Variants in CSGALNACT2 observed in about 807,000 individuals in gnomAD.
CSGALNACT2 encodes beta 4 GalNAcT-2.
A neutral mutation model predicts 55.3 loss-of-function variants in CSGALNACT2; 35 were observed. The ratio of observed to expected loss-of-function variants is 0.63; its 90% CI spans 0.48 to 0.84. The LOEUF (loss-of-function observed/expected upper bound fraction) is 0.84. Among genes scored for constraint, CSGALNACT2 ranks in the 40% least tolerant of loss-of-function variants. The pLI, the probability that CSGALNACT2 is intolerant of heterozygous loss-of-function variation, is 0.00. For missense variants in CSGALNACT2, 544 were observed against 657.5 expected (o/e 0.83, Z 1.89); for synonymous variants, 196 against 224.9 (o/e 0.87, Z 1.15).
intron 7 of CSGALNACT2, among the ~76,000 whole-genome samples, chr10:43,182,265 ACTT>A (rs1839603563): frequency 6.6e-6 from 1 of 151,964 alleles, no homozygotes; most frequent in Non-Finnish European, 1.5e-5. Context: ...ACACTTGACA[ACTT>A]CTTCCTCAAG....
At chr10:43,163,259 C>A in intron 4 of CSGALNACT2, 1 of 965,346 alleles carries the variant, frequency 1.0e-6, no homozygotes, top group Non-Finnish European at 1.2e-6. Flanking sequence ...ATTCATTCAG[C>A]AAATATTTAT....
chr10:43,173,934 A>G (rs1588912087), intron 6 of CSGALNACT2, among the ~76,000 whole-genome samples: 1 of 152,310 alleles, frequency 6.6e-6, no homozygotes, highest in East Asian at 1.9e-4. Flanking sequence ...TGGAGGTTGC[A>G]GTGAGCCAAG....
chr10:43,152,283 A>G (rs894841809), intron 1 of CSGALNACT2, among the ~76,000 whole-genome samples: 10 of 152,208 alleles, frequency 6.6e-5, no homozygotes, highest in African/African-American at 2.2e-4. Flanking sequence ...AATGTTTTCT[A>G]TAATATTCTT....
chr10:43,172,209 T>C (rs1839396359), intron 6 of CSGALNACT2, among the ~76,000 whole-genome samples: 1 of 152,150 alleles, frequency 6.6e-6, no homozygotes, highest in Non-Finnish European at 1.5e-5. Context: ...AAAACTCTAA[T>C]AATAAAAGGA....
chr10:43,146,204 TA>T (rs1838744282), intron 1 of CSGALNACT2, among the ~76,000 whole-genome samples: 1 of 152,062 alleles, frequency 6.6e-6, no homozygotes, highest in South Asian at 2.1e-4. Context: ...GTCCCAAAAG[TA>T]GGGAAGCTAA....
chr10:43,142,147 G>A (rs542600412), intron 1 of CSGALNACT2, among the ~76,000 whole-genome samples: 15 of 152,142 alleles, frequency 9.9e-5, no homozygotes, highest in Non-Finnish European at 2.2e-4. Flanking sequence ...AGTATAGCCT[G>A]TGATCTAAGA....
At chr10:43,153,808 G>A (rs559726800) in intron 1 of CSGALNACT2, among the ~76,000 whole-genome samples, 53 of 152,262 alleles carry the variant, frequency 3.5e-4, no homozygotes, top group Non-Finnish European at 5.3e-4. Context: ...TGGCATGAAC[G>A]ATAGCATGTA....
rs1328478720 is a variant in CSGALNACT2, at chr10:43,157,706, C to G, written c.662-1009C>G. Reference sequence around the variant, plus strand: ...GTGACTCACACATCTGTAGGTCTAACCTTCTTCTCTCTCCTGAGCGCCATA... The same window carrying G: ...GTGACTCACACATCTGTAGGTCTAAGCTTCTTCTCTCTCCTGAGCGCCATA... On this transcript the variant is annotated intron_variant, in intron 2 of 7. Transcript: ENST00000374466. Among the ~76,000 whole-genome samples the G allele has an allele frequency of 5.9e-5, 9 of 152,064 alleles. No individual in the cohort carries two copies. In the East Asian group the frequency reaches 1.7e-3, roughly 29 times the overall value.
At chr10:43,149,589 T>C (rs1661449275) in intron 1 of CSGALNACT2, among the ~76,000 whole-genome samples, 1 of 152,172 alleles carries the variant, frequency 6.6e-6, no homozygotes, top group South Asian at 2.1e-4. Context: ...TATTGCTGGG[T>C]TCGTTTTGCT....
At chr10:43,163,297 G>A (rs940620155) in intron 4 of CSGALNACT2, 45 of 849,316 alleles carry the variant, frequency 5.3e-5, no homozygotes, top group Non-Finnish European at 6.2e-5. Flanking sequence ...AGGGGACACT[G>A]CATCCATAGT....
At chr10:43,158,417 A>T (rs1331188417) in intron 2 of CSGALNACT2, among the ~76,000 whole-genome samples, 2 of 152,164 alleles carry the variant, frequency 1.3e-5, no homozygotes, top group African/African-American at 2.4e-5. Context: ...ATTTATCATG[A>T]TTACCATATT....
intron 1 of CSGALNACT2, among the ~76,000 whole-genome samples, chr10:43,141,202 G>A (rs1004243883): frequency 1.8e-4 from 27 of 152,084 alleles, no homozygotes; most frequent in African/African-American, 6.3e-4. Context: ...AACATAATGA[G>A]ACCCTGTCTC....
intron 1 of CSGALNACT2, among the ~76,000 whole-genome samples, chr10:43,146,171 A>G (rs1838743315): frequency 6.6e-6 from 1 of 152,204 alleles, no homozygotes; most frequent in Non-Finnish European, 1.5e-5. Context: ...AGGAGCAAGG[A>G]AGCCAGTGGT....
Position 43,155,368 on chromosome 10 carries a change from C to G in CSGALNACT2, c.219C>G (p.Thr73=), listed in dbSNP as rs1187566195. 7.4e-6 allele frequency: 12 copies of G among 1,614,004 alleles called. No individual in the cohort carries two copies. Among genetic ancestry groups the G allele is most frequent in the Non-Finnish European group, 1.0e-5 (12 of 1,180,016 alleles). ...AAGAACATTATCAGACCAGGGCAAC[C>G]AGTCTGAAACGCCAAATTGCCCAAC... ...EQEEHYQTRA[T]SLKRQIAQLK... The change falls in exon 2 of 8, where the codon ACC becomes ACG. Residue 73 remains threonine (T), a synonymous_variant. Coordinates refer to ENST00000374466, the MANE Select transcript of CSGALNACT2 (RefSeq NM_018590.5).
intron 3 of CSGALNACT2, among the ~76,000 whole-genome samples, 176 bp downstream of exon 3, chr10:43,159,107 T>G (rs1209480856): frequency 1.3e-5 from 2 of 152,194 alleles, no homozygotes; most frequent in Non-Finnish European, 2.9e-5. Context: ...GTATATTGTG[T>G]TATAGACAAT....
chr10:43,162,514 C>T lies in CSGALNACT2; in HGVS notation c.981-1352C>T. 4.1e-6 allele frequency: 4 copies of T among 985,364 alleles called. No homozygotes were observed. The South Asian group carries it at 1.9e-4, about 46-fold the overall frequency. 61.0% of individuals were successfully genotyped at this position (985,364 alleles called of 1,614,324 possible). On this transcript the variant is annotated intron_variant, in intron 4 of 7. Coordinates refer to ENST00000374466, the MANE Select transcript of CSGALNACT2 (RefSeq NM_018590.5). ...TGGGGTGGCAATGGGCAGTTTTCCCCCAACAGAGGAGAGATTTATATTCCT... is the reference window on the plus strand; with the variant it reads ...TGGGGTGGCAATGGGCAGTTTTCCCTCAACAGAGGAGAGATTTATATTCCT...
rs1030537927 is a variant in CSGALNACT2, at chr10:43,159,047, T to G, written c.878+116T>G. ...ATTACTTAGAATAATTTTACAGGCT[T>G]TAGGGGAACTTTATTTTTTTATATT... On this transcript the variant is annotated intron_variant, in intron 3 of 7. Transcript: ENST00000374466. 1.1e-5 allele frequency: 7 copies of G among 631,616 alleles called. No homozygotes were observed. In the African/African-American group the frequency reaches 1.3e-4, roughly 12 times the overall value. The allele number at this position is 631,616 out of a possible 1,614,324, so 39.1% of individuals were successfully genotyped here. A position where few individuals can be genotyped will look rare whatever the true frequency, so the allele number is the denominator to read the frequency against.
chr10:43,168,134 T>C (rs1403847967), intron 6 of CSGALNACT2, among the ~76,000 whole-genome samples: 1 of 152,162 alleles, frequency 6.6e-6, no homozygotes, highest in Non-Finnish European at 1.5e-5. Flanking sequence ...CAGGCTAAGT[T>C]CATGTTAGTA....
intron 7 of CSGALNACT2, 23 bp from the exon 8 acceptor site, chr10:43,183,227 T>C (rs1231212647): frequency 6.3e-7 from 1 of 1,578,296 alleles, no homozygotes; most frequent in Non-Finnish European, 8.7e-7. Context: ...CAGTTATTTA[T>C]AGTGTCAATT....
Sources: gnomAD v4.1 joint callset for allele counts (sites outside exome capture counted in the v4.1 genomes callset) on GRCh38, gnomAD v4.1.1 for gene constraint, MANE v1.5 for transcripts, NCBI Gene and HGNC (gene_info 2026-07-23, HGNC 2026-07-21) for gene names.